LITAF: variants seen among roughly 807,000 people sequenced by gnomAD.
LITAF encodes lipopolysaccharide induced TNF factor, also known as lipopolysaccharide-induced tumor necrosis factor-alpha factor.
In LITAF, 9 loss-of-function variants were observed where a neutral mutation model predicts 14.5. The observed-to-expected ratio is 0.62, with a 90% CI of 0.37 to 1.08. The LOEUF (loss-of-function observed/expected upper bound fraction) is 1.08, where lower values mean the gene tolerates loss of function less well. LITAF is among the 50% of genes least tolerant of loss of function. LITAF has a pLI of 0.01. For synonymous variants in LITAF, 98 were observed against 88.2 expected, an observed-to-expected ratio of 1.11 and a Z score of -0.62; for missense variants, 206 against 213.4, an observed-to-expected ratio of 0.97 and a Z score of 0.22.
chr16:11,636,677 C>T (rs954090219), upstream of LITAF, among the ~76,000 whole-genome samples: 1 of 150,688 alleles, frequency 6.6e-6, no homozygotes, highest in East Asian at 1.9e-4. Flanking sequence ...ACCTGGCCTT[C>T]AGGTAGCCTT....
intron 3 of LITAF, among the ~76,000 whole-genome samples, chr16:11,604,872 C>A (rs1253199802): frequency 1.3e-5 from 2 of 151,862 alleles, no homozygotes; most frequent in Non-Finnish European, 2.9e-5. Context: ...CGTCAAACTG[C>A]TTCCTGAAGA....
At chr16:11,589,220 A>G (rs1185167509), upstream of LITAF, among the ~76,000 whole-genome samples, 1 of 152,248 alleles carries the variant, frequency 6.6e-6, no homozygotes, top group African/African-American at 2.4e-5. Flanking sequence ...CGGAAAAAGC[A>G]TTTGAAGAAA....
intron 3 of LITAF, among the ~76,000 whole-genome samples, chr16:11,630,499 A>C (rs872712): frequency 6.6e-6 from 1 of 151,142 alleles, no homozygotes; most frequent in Admixed American, 6.6e-5. Flanking sequence ...CCAGGCACAC[A>C]GGAGTCCCTG....
At chr16:11,577,561 AC>A (rs2064659979) in intron 1 of LITAF, among the ~76,000 whole-genome samples, 1 of 151,832 alleles carries the variant, frequency 6.6e-6, no homozygotes, top group Non-Finnish European at 1.5e-5. Context: ...CAAGTGATCT[AC>A]CCACCTCAGC....
At chr16:11,581,993 A>G (rs1423713167) in intron 1 of LITAF, among the ~76,000 whole-genome samples, 2 of 152,186 alleles carry the variant, frequency 1.3e-5, no homozygotes, top group East Asian at 3.8e-4. Flanking sequence ...TTACAGTTCA[A>G]TGGGAGGAAT....
Position 11,634,048 on chromosome 16 carries a change from G to A in LITAF, c.-20-411C>T, listed in dbSNP as rs776631811. 6.6e-6 allele frequency among the ~76,000 whole-genome samples: 1 copy of A among 152,180 alleles called. No homozygotes were observed. The highest frequency in any genetic ancestry group is 1.5e-5 in the Non-Finnish European group (1 of 68,038). On this transcript the variant is annotated intron_variant, in intron 2 of 3. Transcript: ENST00000574848. The surrounding 1 kb of genome is among the most constrained non-coding windows in gnomAD (Gnocchi z 4.1). ...GCCACTTAGCAATACACAGACACATGCAGAGGGACATACAGAACCTCAACA... is the reference window on the plus strand; with the variant it reads ...GCCACTTAGCAATACACAGACACATACAGAGGGACATACAGAACCTCAACA...
At chr16:11,616,385 G>A (rs1263020998) in intron 3 of LITAF, among the ~76,000 whole-genome samples, 2 of 152,020 alleles carry the variant, frequency 1.3e-5, no homozygotes, top group African/African-American at 4.8e-5. Context: ...GCTGAGGTGG[G>A]AGGATTGCTT....
At chr16:11,607,510 T>C (rs973848509) in intron 3 of LITAF, among the ~76,000 whole-genome samples, 3 of 152,042 alleles carry the variant, frequency 2.0e-5, no homozygotes, top group Admixed American at 2.0e-4. Context: ...GTCCCACTTC[T>C]GAAAGTAGTG....
At chr16:11,570,360 G>A (rs186986711) in intron 1 of LITAF, among the ~76,000 whole-genome samples, 5 of 152,224 alleles carry the variant, frequency 3.3e-5, no homozygotes, top group East Asian at 1.9e-4. Flanking sequence ...ACAGTCACAC[G>A]GGGGCTTCAC....
At chr16:11,588,525 A>G (rs1201540740), upstream of LITAF, among the ~76,000 whole-genome samples, 2 of 138,448 alleles carry the variant, frequency 1.4e-5, no homozygotes, top group African/African-American at 5.0e-5. Flanking sequence ...GAGAAAGAAA[A>G]AAAAAAGAAA....
At chr16:11,568,761 C>G (rs774676038) in intron 1 of LITAF, among the ~76,000 whole-genome samples, 101 of 150,026 alleles carry the variant, frequency 6.7e-4, no homozygotes, top group Admixed American at 1.3e-3. Context: ...CTCACTGCAA[C>G]CTCCACCTCC....
At chr16:11,611,444 A>C (rs2064981638) in intron 3 of LITAF, among the ~76,000 whole-genome samples, 1 of 152,184 alleles carries the variant, frequency 6.6e-6, no homozygotes, top group African/African-American at 2.4e-5. Context: ...ACTTATACTA[A>C]AAAATCATTT....
intron 1 of LITAF, among the ~76,000 whole-genome samples, chr16:11,560,662 G>T (rs2064347615): frequency 6.6e-6 from 1 of 152,112 alleles, no homozygotes; most frequent in Non-Finnish European, 1.5e-5. Context: ...ATACAGCAAA[G>T]CTGTGAGCCG....
chr16:11,618,640 G>A (rs1469782054), intron 3 of LITAF, among the ~76,000 whole-genome samples: 1 of 152,158 alleles, frequency 6.6e-6, no homozygotes, highest in African/African-American at 2.4e-5. Flanking sequence ...CCCAGTGGGT[G>A]GAGCATTTCT....
rs140587369 is a variant in LITAF at position 11,579,721 on chromosome 16, G to C, written c.-6+7165C>G. On this transcript the variant is annotated intron_variant, in intron 1 of 3. Coordinates refer to ENST00000622633, the MANE Select transcript of LITAF (RefSeq NM_001136472.2). ...ATGGAGAGAACCAGGAACTGGGTGA[G>C]GAACTCCCTGTACTAACTTCACAAC... 4.7e-3 allele frequency among the ~76,000 whole-genome samples: 713 copies of C among 152,156 alleles called. 6 individuals are homozygous for C. The highest frequency in any genetic ancestry group is 0.037 in the Middle Eastern group (11 of 294).
intron 3 of LITAF, among the ~76,000 whole-genome samples, chr16:11,618,674 T>C (rs1182901184): frequency 1.3e-5 from 2 of 152,030 alleles, no homozygotes; most frequent in East Asian, 3.9e-4. Flanking sequence ...GGGCGCTTCA[T>C]AGAGCTGCAA....
chr16:11,557,897 C>G (rs751280531), intron 1 of LITAF, among the ~76,000 whole-genome samples: 51 of 152,176 alleles, frequency 3.4e-4, no homozygotes, highest in Non-Finnish European at 6.5e-4. Context: ...TGCTGCTCGC[C>G]TAGAATTACA....
At chr16:11,567,795 G>C (rs1291029973) in intron 1 of LITAF, among the ~76,000 whole-genome samples, 1 of 152,100 alleles carries the variant, frequency 6.6e-6, no homozygotes, top group Non-Finnish European at 1.5e-5. Flanking sequence ...GACCAGCCTA[G>C]CCAACATGGT....
intron 3 of LITAF, among the ~76,000 whole-genome samples, chr16:11,630,045 A>G (rs1053828003): frequency 6.6e-6 from 1 of 152,100 alleles, no homozygotes; most frequent in African/African-American, 2.4e-5. Context: ...TGCTCAGCGC[A>G]CTTCTATCTG....
Sources: gnomAD v4.1 joint callset for allele counts (sites outside exome capture counted in the v4.1 genomes callset) on GRCh38, gnomAD v4.1.1 for gene constraint, Gnocchi (gnomAD v3.1) non-coding constraint, MANE v1.5 for transcripts, NCBI Gene and HGNC (gene_info 2026-07-23, HGNC 2026-07-21) for gene names.